Variants in RCAN2 observed in about 807,000 individuals in gnomAD.
RCAN2 encodes the protein regulator of calcineurin 2.
A neutral mutation model predicts 23.6 loss-of-function variants in RCAN2; 9 were observed. That is an observed-to-expected ratio of 0.38 (90% CI 0.23 to 0.67). The LOEUF is 0.67. RCAN2 is among the 30% of genes least tolerant of loss of function. The pLI is 0.51. For missense variants in RCAN2, 273 were observed against 302.3 expected (o/e 0.90, Z 0.72); for synonymous variants, 109 against 115.7 (o/e 0.94, Z 0.37).
At chr6:46,479,263 C>T (rs1350891853) in intron 1 of RCAN2, among the ~76,000 whole-genome samples, 1 of 152,162 alleles carries the variant, frequency 6.6e-6, no homozygotes, top group Non-Finnish European at 1.5e-5. Flanking sequence ...TCAGGAAAAA[C>T]AATTTAGAAT....
chr6:46,329,242 C>T (rs1427051284), intron 2 of RCAN2, among the ~76,000 whole-genome samples: 2 of 152,236 alleles, frequency 1.3e-5, no homozygotes, highest in Non-Finnish European at 2.9e-5. Context: ...GCTCAGATCA[C>T]ATCTCTTTGG....
At chr6:46,431,267 A>G (rs554352310) in intron 2 of RCAN2, among the ~76,000 whole-genome samples, 2 of 152,142 alleles carry the variant, frequency 1.3e-5, no homozygotes, top group South Asian at 4.2e-4. Flanking sequence ...GTGCAGTGGC[A>G]CAATCACGGC....
intron 2 of RCAN2, among the ~76,000 whole-genome samples, chr6:46,286,711 A>G (rs1762386774): frequency 6.6e-6 from 1 of 152,208 alleles, no homozygotes; most frequent in Non-Finnish European, 1.5e-5. Context: ...AGTTAGAAAG[A>G]GCACTTCAAG....
At chr6:46,298,777 A>T (rs1325923714) in intron 2 of RCAN2, among the ~76,000 whole-genome samples, 1 of 152,122 alleles carries the variant, frequency 6.6e-6, no homozygotes, top group African/African-American at 2.4e-5. Flanking sequence ...AAAGGAAAAT[A>T]AGTCATTCTA....
rs1032771128 is a variant in RCAN2 at position 46,468,217 on chromosome 6, A to G, written c.-2-11239T>C. Reference sequence around the variant, plus strand: ...CCTTAATTGTTTTACTTTCCAAGAAAGTCAACATTGGTGTTAGGCCCAGAG... The same window carrying G: ...CCTTAATTGTTTTACTTTCCAAGAAGGTCAACATTGGTGTTAGGCCCAGAG... On this transcript the variant is annotated intron_variant, in intron 1 of 4. Coordinates refer to ENST00000371374, the MANE Select transcript of RCAN2 (RefSeq NM_001251974.2). Among the ~76,000 whole-genome samples, 4 of 152,246 alleles carry G rather than the reference A, an allele frequency of 2.6e-5. No individual in the cohort carries two copies. In the East Asian group the frequency reaches 7.7e-4, roughly 29 times the overall value.
In RCAN2 at chr6:46,332,723, G is replaced by A. The variant is rs554328532; in HGVS notation, c.226-83827C>T. ...CAGTCTATCATTGTTGGACATTTGG[G>A]TTGGTTCCAAGTCTTTGCTATTGTG... On this transcript the variant is annotated intron_variant, in intron 2 of 4. Coordinates refer to ENST00000371374, the MANE Select transcript of RCAN2 (RefSeq NM_001251974.2). Among the ~76,000 whole-genome samples the A allele has an allele frequency of 1.6e-3, 241 of 152,118 alleles. 1 individual carries two copies. The highest frequency in any genetic ancestry group is 5.5e-3 in the African/African-American group (228 of 41,470).
At chr6:46,243,260 C>T (rs1469966952) in intron 4 of RCAN2, among the ~76,000 whole-genome samples, 2 of 152,116 alleles carry the variant, frequency 1.3e-5, no homozygotes, top group Admixed American at 6.5e-5. Flanking sequence ...GCTGAGGAAG[C>T]TTCAAGGACA....
intron 2 of RCAN2, among the ~76,000 whole-genome samples, chr6:46,347,862 A>C (rs1005422782): frequency 6.6e-6 from 1 of 152,246 alleles, no homozygotes; most frequent in Non-Finnish European, 1.5e-5. Flanking sequence ...GGGTTGACTC[A>C]CTAAGAGATA....
At chr6:46,392,863 C>CT (rs1392766768) in intron 2 of RCAN2, among the ~76,000 whole-genome samples, 2 of 152,172 alleles carry the variant, frequency 1.3e-5, no homozygotes. Context: ...GGTTAAAGAG[C>CT]TTTGGAATTC....
intron 2 of RCAN2, among the ~76,000 whole-genome samples, chr6:46,411,754 A>G (rs1766556445): frequency 6.6e-6 from 1 of 152,222 alleles, no homozygotes; most frequent in Non-Finnish European, 1.5e-5. Flanking sequence ...CTAATCTTAT[A>G]AAAACTAAGA....
At chr6:46,372,065 CT>C (rs1367023148) in intron 2 of RCAN2, among the ~76,000 whole-genome samples, 1 of 152,140 alleles carries the variant, frequency 6.6e-6, no homozygotes, top group East Asian at 1.9e-4. Context: ...ACAGAGACCC[CT>C]TTGGACTCTA....
At chr6:46,429,906 T>C (rs1767141279) in intron 2 of RCAN2, among the ~76,000 whole-genome samples, 1 of 152,126 alleles carries the variant, frequency 6.6e-6, no homozygotes, top group African/African-American at 2.4e-5. Context: ...GCAAAGACCC[T>C]GGGAATATGA....
At chr6:46,427,864 G>A (rs540406975) in intron 2 of RCAN2, among the ~76,000 whole-genome samples, 28 of 152,230 alleles carry the variant, frequency 1.8e-4, no homozygotes, top group African/African-American at 6.8e-4. Context: ...CCCTTGATGA[G>A]AGCCTTGATT....
intron 2 of RCAN2, among the ~76,000 whole-genome samples, chr6:46,440,749 T>C (rs1767516187): frequency 6.6e-6 from 1 of 152,064 alleles, no homozygotes; most frequent in African/African-American, 2.4e-5. Flanking sequence ...AATCACATAA[T>C]CCTCATAGTG....
Position 46,226,343 on chromosome 6 carries a change from G to C in RCAN2, c.572-3042C>G, listed in dbSNP as rs182459323. ...GAAGAAAGTCCTTGGTAGCTTGATG[G>C]GGATGGCATCGAATCTATAAATTAC... On this transcript the variant is annotated intron_variant, in intron 4 of 4. Transcript: ENST00000371374. Among the ~76,000 whole-genome samples the C allele has an allele frequency of 4.5e-4, 69 of 152,270 alleles. 1 individual carries two copies. The highest frequency in any genetic ancestry group is 2.9e-3 in the Admixed American group (44 of 15,290).
chr6:46,388,241 T>C (rs1765823543), intron 2 of RCAN2, among the ~76,000 whole-genome samples: 1 of 151,576 alleles, frequency 6.6e-6, no homozygotes, highest in Non-Finnish European at 1.5e-5. Context: ...ACCCTAGAAC[T>C]TGAAGTATAA....
At chr6:46,454,178 T>C (rs1279772795) in intron 2 of RCAN2, among the ~76,000 whole-genome samples, 1 of 152,248 alleles carries the variant, frequency 6.6e-6, no homozygotes, top group Non-Finnish European at 1.5e-5. Flanking sequence ...TCAGACTTCA[T>C]GGCTCAGATT....
chr6:46,318,741 T>C (rs563567727), intron 2 of RCAN2, among the ~76,000 whole-genome samples: 1 of 152,224 alleles, frequency 6.6e-6, no homozygotes, highest in South Asian at 2.1e-4. Flanking sequence ...ATATAGTAAA[T>C]ATGCATGTTA....
At chr6:46,435,471 T>C (rs1480289704) in intron 2 of RCAN2, among the ~76,000 whole-genome samples, 1 of 152,220 alleles carries the variant, frequency 6.6e-6, no homozygotes, top group Non-Finnish European at 1.5e-5. Flanking sequence ...ATTCAGATTT[T>C]AAAGGGCTCT....
Sources: allele counts gnomAD v4.1 joint callset (sites outside exome capture counted in the v4.1 genomes callset), GRCh38; gene constraint gnomAD v4.1.1; transcripts MANE v1.5; gene names NCBI Gene and HGNC (gene_info 2026-07-23, HGNC 2026-07-21).